ARHGEF10: variants seen among roughly 807,000 people sequenced by gnomAD.
ARHGEF10 encodes Rho guanine nucleotide exchange factor (GEF) 10.
In ARHGEF10, 140 loss-of-function variants were observed where a neutral mutation model predicts 147.4. The ratio of observed to expected loss-of-function variants is 0.95; its 90% CI spans 0.83 to 1.09. The LOEUF (loss-of-function observed/expected upper bound fraction) is 1.09, where lower values mean the gene tolerates loss of function less well. Ranked by LOEUF, ARHGEF10 falls within the 50% of genes least tolerant of loss-of-function variation. The pLI, the probability that ARHGEF10 is intolerant of heterozygous loss-of-function variation, is 0.00. For synonymous variants in ARHGEF10, 902 were observed against 695.8 expected (o/e 1.30, Z -4.67); for missense variants, 2,222 against 1,752.7 (o/e 1.27, Z -4.78).
chr8:1,921,519 G>C (rs1812288047), intron 18 of ARHGEF10, among the ~76,000 whole-genome samples: 1 of 152,178 alleles, frequency 6.6e-6, no homozygotes, highest in Non-Finnish European at 1.5e-5. Context: ...CCTGAGGTCA[G>C]GAGTTCGAGA....
At chr8:1,861,764 G>T (rs1434291307) in intron 4 of ARHGEF10, among the ~76,000 whole-genome samples, 1 of 152,212 alleles carries the variant, frequency 6.6e-6, no homozygotes, top group African/African-American at 2.4e-5. Flanking sequence ...CGGTCTGCAT[G>T]ATCCACGCTG....
At chr8:1,856,395 C>T (rs1329170112) in intron 2 of ARHGEF10, among the ~76,000 whole-genome samples, 1 of 152,228 alleles carries the variant, frequency 6.6e-6, no homozygotes, top group Non-Finnish European at 1.5e-5. Flanking sequence ...CCAGTTCACG[C>T]TGTCGTGGGC....
intron 1 of ARHGEF10, among the ~76,000 whole-genome samples, chr8:1,831,817 G>A (rs1803129381): frequency 6.6e-6 from 1 of 152,226 alleles, no homozygotes; most frequent in Non-Finnish European, 1.5e-5. Context: ...CTTTCACGTC[G>A]ATGACAGGCA....
intron 11 of ARHGEF10, among the ~76,000 whole-genome samples, chr8:1,888,354 G>C (rs1197514731): frequency 7.7e-6 from 1 of 130,294 alleles, no homozygotes; most frequent in African/African-American, 3.2e-5. Context: ...ACTGAGTGGG[G>C]TGAGGGTTGT....
Position 1,850,104 on chromosome 8 carries a change from G to GCTA in ARHGEF10, c.37+6668_37+6669insCTA, listed in dbSNP as rs1158992579. Among the ~76,000 whole-genome samples, 80 of 134,154 alleles carry GCTA rather than the reference G, an allele frequency of 6.0e-4. No individual in the cohort carries two copies. The East Asian group carries it at 7.3e-3, about 12-fold the overall frequency. The allele number at this position is 134,154 out of a possible 152,430, so 88.0% of individuals were successfully genotyped here. On this transcript the variant is annotated intron_variant, in intron 2 of 28. Coordinates refer to ENST00000349830, the MANE Select transcript of ARHGEF10 (RefSeq NM_014629.4). Reference sequence around the variant, plus strand: ...GAGGGCAAATGCTGAGGAGGGCGTGGGCCGGCTGCATGGACACAGAGGGCA... The same window carrying GCTA: ...GAGGGCAAATGCTGAGGAGGGCGTGGCTAGCCGGCTGCATGGACACAGAGGGCA...
At chr8:1,901,535 CGTT>C (rs1273853023) in intron 15 of ARHGEF10, among the ~76,000 whole-genome samples, 2 of 152,236 alleles carry the variant, frequency 1.3e-5, no homozygotes, top group Non-Finnish European at 2.9e-5. Flanking sequence ...TATTTCTCTC[CGTT>C]GTTGTGCAAA....
intron 28 of ARHGEF10, among the ~76,000 whole-genome samples, chr8:1,954,590 G>A (rs1296414480): frequency 3.3e-5 from 5 of 152,150 alleles, no homozygotes; most frequent in Admixed American, 3.3e-4. Flanking sequence ...GTAACGAGAA[G>A]AGGCCACCTG....
rs556374703 is a variant in ARHGEF10 at position 1,896,098 on chromosome 8, A to G, written c.1441-235A>G. Among the ~76,000 whole-genome samples, 5 of 152,324 alleles carry G rather than the reference A, an allele frequency of 3.3e-5. No individual in the cohort carries two copies. The South Asian group carries it at 1.0e-3, about 32-fold the overall frequency. On this transcript the variant is annotated intron_variant, in intron 13 of 28. Coordinates refer to ENST00000349830, the MANE Select transcript of ARHGEF10 (RefSeq NM_014629.4). ...GAAACCCAAATTACCATGGTTTTGAACAAGGATGTCAGAAAGTGCTCTGGA... is the reference window on the plus strand; with the variant it reads ...GAAACCCAAATTACCATGGTTTTGAGCAAGGATGTCAGAAAGTGCTCTGGA...
chr8:1,887,746 TGAG>T (rs1563232478), intron 11 of ARHGEF10, among the ~76,000 whole-genome samples: 1 of 120,472 alleles, frequency 8.3e-6, no homozygotes, highest in Non-Finnish European at 1.7e-5. Context: ...ATGAGGGTTT[TGAG>T]GAGACACGGA....
intron 18 of ARHGEF10, among the ~76,000 whole-genome samples, chr8:1,921,030 C>G (rs951567532): frequency 6.6e-6 from 1 of 152,206 alleles, no homozygotes; most frequent in Non-Finnish European, 1.5e-5. Context: ...AGGTGATCCT[C>G]CTGCCTTGGT....
In ARHGEF10 at chr8:1,894,407, G is replaced by C; in HGVS notation, c.1275G>C (p.Pro425=). The C allele has an allele frequency of 2.5e-6, 4 of 1,614,152 alleles. No homozygotes were observed. Among genetic ancestry groups the C allele is most frequent in the Non-Finnish European group, 3.4e-6 (4 of 1,180,024 alleles). ...LKRILEQYEK[P]LSEMEPKVLS... ...TTTTGTCTTAGCAATATGAGAAGCC[G>C]CTGTCTGAGATGGAGCCAAAGGTTC... Residue 425 remains proline (P), a synonymous_variant, in exon 13 of 29, where the codon CCG becomes CCC. Coordinates refer to ENST00000349830, the MANE Select transcript of ARHGEF10 (RefSeq NM_014629.4).
chr8:1,952,660 T>C (rs1815148933), intron 27 of ARHGEF10, 45 bp from the exon 28 acceptor site: 1 of 1,611,266 alleles, frequency 6.2e-7, no homozygotes, highest in Admixed American at 1.7e-5. Flanking sequence ...CCACCAACTC[T>C]GCTACACAAA....
chr8:1,874,308 C>T (rs1807453257), intron 7 of ARHGEF10, among the ~76,000 whole-genome samples: 1 of 152,166 alleles, frequency 6.6e-6, no homozygotes, highest in South Asian at 2.1e-4. Context: ...GTAAAGGCGT[C>T]CAAACGTGCC....
At chr8:1,887,535 G>C (rs118020067) in intron 11 of ARHGEF10, among the ~76,000 whole-genome samples, 1 of 146,676 alleles carries the variant, frequency 6.8e-6, no homozygotes, top group Admixed American at 6.9e-5. Flanking sequence ...TGAGGGATAC[G>C]TGAGGAAACA....
In ARHGEF10 at chr8:1,928,393, C is replaced by A. The variant is rs376037655; in HGVS notation, c.2698-34C>A. ...CGTATTATGGAAGCCGCCACATGGT[C>A]GTTTTCTTCTTTCCTCCTAATTCTC... On this transcript the variant is annotated intron_variant, in intron 23 of 28. Transcript: ENST00000349830. 4 of 1,599,122 alleles carry A rather than the reference C, an allele frequency of 2.5e-6. No individual in the cohort carries two copies. The South Asian group carries it at 4.4e-5, about 18-fold the overall frequency.
Position 1,861,609 on chromosome 8 carries a change from C to A in ARHGEF10, c.481+1425C>A, listed in dbSNP as rs116408938. On this transcript the variant is annotated intron_variant, in intron 4 of 28. Transcript: ENST00000349830. ...TAAAGGTTTCAGTGGAAGCAGCCTT[C>A]CCTTTCCAGTTAATAACAGTTGAGA... is the stretch of plus-strand genomic sequence containing the variant. Among the ~76,000 whole-genome samples the A allele has an allele frequency of 7.7e-3, 1,171 of 152,266 alleles. 16 individuals carry two copies. Among genetic ancestry groups the A allele is most frequent in the African/African-American group, 0.027 (1,109 of 41,524 alleles).
chr8:1,888,306 T>C lies in ARHGEF10; in HGVS notation c.1182+2599T>C, dbSNP rs11784554. ...TGAGGAGGGGTGGGGTGAGGGTTTG[T>C]GAGGATATGCTGAGTGGGATGTTGA... On this transcript the variant is annotated intron_variant, in intron 11 of 28. Coordinates refer to ENST00000349830, the MANE Select transcript of ARHGEF10 (RefSeq NM_014629.4). Among the ~76,000 whole-genome samples, 10 of 58,396 alleles carry C rather than the reference T, an allele frequency of 1.7e-4. 1 individual carries two copies. Among genetic ancestry groups the C allele is most frequent in the African/African-American group, 5.8e-4 (8 of 13,814 alleles). The allele number at this position is 58,396 out of a possible 152,430, so 38.3% of individuals were successfully genotyped here.
intron 27 of ARHGEF10, among the ~76,000 whole-genome samples, chr8:1,951,074 C>T (rs760769883): frequency 9.9e-5 from 15 of 152,166 alleles, no homozygotes; most frequent in Non-Finnish European, 1.9e-4. Flanking sequence ...CCGGGGAGGC[C>T]GGGTTCAGGT....
Position 1,958,094 on chromosome 8 carries a change from T to C in ARHGEF10, c.*831T>C, listed in dbSNP as rs2129300025. On this transcript the variant is annotated 3_prime_UTR_variant, in exon 29 of 29. Coordinates refer to ENST00000349830, the MANE Select transcript of ARHGEF10 (RefSeq NM_014629.4). ...GTGTGTGCTTTAGTATTAGAGGAGA[T>C]AGGCAGAGAAGTCTTGCTTAGTTCC... The C allele has an allele frequency of 6.6e-6, 1 of 152,364 alleles. No individual in the cohort carries two copies. Among genetic ancestry groups the C allele is most frequent in the South Asian group, 2.1e-4 (1 of 4,826 alleles). 9.4% of individuals were successfully genotyped at this position (152,364 alleles called of 1,614,324 possible). A position where few individuals can be genotyped will look rare whatever the true frequency, so the allele number is the denominator to read the frequency against.
Sources: allele counts gnomAD v4.1 joint callset (sites outside exome capture counted in the v4.1 genomes callset), GRCh38; gene constraint gnomAD v4.1.1; transcripts MANE v1.5; gene names NCBI Gene and HGNC (gene_info 2026-07-23, HGNC 2026-07-21).